LRP11: variants seen among roughly 807,000 people sequenced by gnomAD.
The protein encoded by LRP11 is low-density lipoprotein receptor-related protein 11.
A neutral mutation model predicts 43.1 loss-of-function variants in LRP11; 25 were observed. The observed-to-expected ratio is 0.58, with a 90% CI of 0.42 to 0.81. The LOEUF (loss-of-function observed/expected upper bound fraction) is 0.81. LRP11 is among the 30% of genes least tolerant of loss of function. LRP11 has a pLI of 0.00. For missense variants in LRP11, 623 were observed against 665.1 expected (o/e 0.94, Z 0.70); for synonymous variants, 316 against 299.4 (o/e 1.06, Z -0.57).
chr6:149,837,407 C>A lies in LRP11; in HGVS notation c.970G>T (p.Asp324Tyr). The A allele has an allele frequency of 6.2e-7, 1 of 1,614,124 alleles. No individual in the cohort carries two copies. The highest frequency in any genetic ancestry group is 1.1e-5 in the South Asian group (1 of 91,078). Residue 324 changes from aspartate to tyrosine, a missense_variant, in exon 4 of 7, where the codon GAC becomes TAC. Asp to Tyr is a radical substitution (Grantham distance 160, BLOSUM62 -3). Transcript: ENST00000239367. ...HFFCDDGCCI[D>Y]ITLACDGVQQ... ...ACTCCATCGCAGGCGAGCGTGATGT[C>A]AATGCAGCAGCCATCGTCACAGAAG...
intron 1 of LRP11, among the ~76,000 whole-genome samples, chr6:149,862,871 C>G (rs775341716): frequency 1.3e-5 from 2 of 152,238 alleles, no homozygotes; most frequent in East Asian, 1.9e-4. Context: ...TAAGCCACCA[C>G]GCCCGGCCTT....
At chr6:149,859,218 A>G (rs1483740091) in intron 1 of LRP11, among the ~76,000 whole-genome samples, 1 of 151,862 alleles carries the variant, frequency 6.6e-6, no homozygotes, top group Non-Finnish European at 1.5e-5. Flanking sequence ...CAATATGAGT[A>G]AACCTATTTT....
chr6:149,846,206 A>G (rs1285597943), intron 2 of LRP11, among the ~76,000 whole-genome samples: 2 of 152,230 alleles, frequency 1.3e-5, no homozygotes, highest in African/African-American at 4.8e-5. Flanking sequence ...TCAGAGCTGC[A>G]TAAGTGGAGA....
chr6:149,827,772 A>G lies in LRP11; in HGVS notation c.1253-1413T>C, dbSNP rs368491111. 7.9e-5 allele frequency among the ~76,000 whole-genome samples: 12 copies of G among 152,374 alleles called. No individual in the cohort carries two copies. The highest frequency in any genetic ancestry group is 3.3e-4 in the Admixed American group (5 of 15,304). On this transcript the variant is annotated intron_variant, in intron 5 of 6. Coordinates refer to ENST00000239367, the MANE Select transcript of LRP11 (RefSeq NM_032832.6). The surrounding 1 kb of genome is among the most constrained non-coding windows in gnomAD (Gnocchi z 4.2). Reference sequence around the variant, plus strand: ...ATTCTCTTATATGATACCTGATCCCAGGCCAGGTAGTTCTATAAGATTGTA... The same window carrying G: ...ATTCTCTTATATGATACCTGATCCCGGGCCAGGTAGTTCTATAAGATTGTA...
At chr6:149,850,921 G>A (rs1279968414) in intron 2 of LRP11, among the ~76,000 whole-genome samples, 1 of 152,180 alleles carries the variant, frequency 6.6e-6, no homozygotes, top group Non-Finnish European at 1.5e-5. Flanking sequence ...CTACAAGTGA[G>A]GGTGTCCAGT....
chr6:149,846,928 T>C (rs1192702000), intron 2 of LRP11, among the ~76,000 whole-genome samples: 5 of 150,594 alleles, frequency 3.3e-5, no homozygotes, highest in African/African-American at 4.9e-5. Flanking sequence ...AGCGAGATCC[T>C]ATCTCAATAT....
At chr6:149,846,154 C>T (rs571566104) in intron 2 of LRP11, among the ~76,000 whole-genome samples, 151 of 152,262 alleles carry the variant, frequency 9.9e-4, no homozygotes, top group Admixed American at 1.9e-3. Flanking sequence ...CCAGGCTGAA[C>T]CAAGGCAAGA....
In LRP11 at chr6:149,820,529, A is replaced by G. The variant is rs753334805; in HGVS notation, c.*20T>C. On this transcript the variant is annotated 3_prime_UTR_variant, in exon 7 of 7. Coordinates refer to ENST00000239367, the MANE Select transcript of LRP11 (RefSeq NM_032832.6). ...TATAAACAAAACATGTCCCTGCCCCAAGGTATTGAAATTACATTACTATAG... is the reference window on the plus strand; with the variant it reads ...TATAAACAAAACATGTCCCTGCCCCGAGGTATTGAAATTACATTACTATAG... 2.6e-6 allele frequency: 2 copies of G among 776,090 alleles called. No individual in the cohort carries two copies. Among genetic ancestry groups the G allele is most frequent in the Admixed American group, 3.4e-5 (2 of 58,430 alleles). 48.1% of individuals were successfully genotyped at this position (776,090 alleles called of 1,614,324 possible).
intron 5 of LRP11, among the ~76,000 whole-genome samples, chr6:149,832,815 T>A (rs1345825369): frequency 6.6e-6 from 1 of 151,616 alleles, no homozygotes; most frequent in African/African-American, 2.4e-5. Context: ...TTTATTTTTT[T>A]ATTTTATTTT....
At chr6:149,830,371 C>T (rs1776394133) in intron 5 of LRP11, among the ~76,000 whole-genome samples, 1 of 152,158 alleles carries the variant, frequency 6.6e-6, no homozygotes, top group Admixed American at 6.6e-5. Flanking sequence ...TACTTAGTAG[C>T]TAGTAATTGG....
At chr6:149,847,432 T>A (rs1776653587) in intron 2 of LRP11, among the ~76,000 whole-genome samples, 1 of 152,216 alleles carries the variant, frequency 6.6e-6, no homozygotes, top group South Asian at 2.1e-4. Flanking sequence ...CTCTCCTGCA[T>A]TCAGATATTT....
At chr6:149,837,611 G>T in intron 3 of LRP11, 148 bp from the exon 4 acceptor site, 1 of 789,442 alleles carries the variant, frequency 1.3e-6, no homozygotes, top group East Asian at 2.7e-5. Context: ...CCAGCAACAG[G>T]TTCTGGAGAG....
intron 5 of LRP11, among the ~76,000 whole-genome samples, chr6:149,828,049 G>A (rs1254375005): frequency 1.3e-5 from 2 of 150,702 alleles, no homozygotes; most frequent in Non-Finnish European, 3.0e-5. Flanking sequence ...AAATTAGCCA[G>A]GCATGGTGGT....
At position 149,853,151 on chromosome 6, in the gene LRP11, G is replaced by A. The variant is rs150922217; in HGVS notation, c.623C>T (p.Ala208Val). Residue 208 changes from alanine to valine, a missense_variant, in exon 2 of 7, where the codon GCG (alanine) becomes GTG (valine). Ala to Val is a moderately conservative substitution (Grantham distance 64). Coordinates refer to ENST00000239367, the MANE Select transcript of LRP11 (RefSeq NM_032832.6). ...CTGCCCAGCCTTGCTAAGTGGAGGC[G>A]CATCCTTTTCTGAGAAAGAAAATAA... ...ARASPRQEKD[A>V]PPLSKAGQDV... 39 of 1,565,950 alleles carry A rather than the reference G, an allele frequency of 2.5e-5. No individual in the cohort carries two copies. In the East Asian group the frequency reaches 3.4e-4, roughly 14 times the overall value.
intron 1 of LRP11, among the ~76,000 whole-genome samples, chr6:149,859,392 A>ATT (rs1379449979): frequency 3.9e-5 from 3 of 76,802 alleles, no homozygotes; most frequent in South Asian, 5.5e-4. Context: ...ATATATATAT[A>ATT]TATATTTTTT....
intron 6 of LRP11, among the ~76,000 whole-genome samples, chr6:149,823,624 T>C (rs1044843272): frequency 3.3e-5 from 5 of 152,138 alleles, no homozygotes; most frequent in Admixed American, 6.5e-5. Context: ...CAAGAGGACC[T>C]GGAGCTGATG....
intron 2 of LRP11, among the ~76,000 whole-genome samples, chr6:149,846,317 T>G (rs1776631852): frequency 1.3e-5 from 2 of 152,208 alleles, no homozygotes. Flanking sequence ...TTACTGTCTC[T>G]TGGGACTTAG....
intron 1 of LRP11, among the ~76,000 whole-genome samples, chr6:149,862,577 CT>C (rs10553273): frequency 0.53 from 66,010 of 125,584 alleles, 17,717 homozygotes; most frequent in Middle Eastern, 0.61. Context: ...TTTTCTTTTC[CT>C]TTTTTTTTTT....
intron 5 of LRP11, among the ~76,000 whole-genome samples, chr6:149,826,846 C>G (rs373494635): frequency 1.1e-4 from 17 of 152,208 alleles, no homozygotes; most frequent in Admixed American, 3.3e-4. Flanking sequence ...TAGGTTCACA[C>G]AAGTAAGTGG....
Sources: allele counts gnomAD v4.1 joint callset (sites outside exome capture counted in the v4.1 genomes callset), GRCh38; gene constraint gnomAD v4.1.1; non-coding constraint Gnocchi (gnomAD v3.1); transcripts MANE v1.5; gene names NCBI Gene and HGNC (gene_info 2026-07-23, HGNC 2026-07-21).